RAB3GAP1: variants seen among roughly 807,000 people sequenced by gnomAD.
RAB3GAP1 encodes the protein RAB3 GTPase activating protein catalytic subunit 1.
Under a neutral mutation model 130.7 loss-of-function variants are expected in RAB3GAP1, and 86 were observed. The observed-to-expected ratio is 0.66, with a 90% confidence interval of 0.55 to 0.79. The LOEUF is 0.79. RAB3GAP1 is among the 30% of genes least tolerant of loss of function. RAB3GAP1 has a pLI of 0.00. For synonymous variants in RAB3GAP1, 367 were observed against 401.7 expected (o/e 0.91, Z 1.03); for missense variants, 1,029 against 1,169.4 (o/e 0.88, Z 1.75).
At chr2:135,146,845 T>C (rs1335202151) in intron 17 of RAB3GAP1, among the ~76,000 whole-genome samples, 1 of 151,596 alleles carries the variant, frequency 6.6e-6, no homozygotes, top group African/African-American at 2.4e-5. Flanking sequence ...TTCCCTTGCA[T>C]GGATATACAA....
chr2:135,104,723 T>C (rs1690542797), intron 5 of RAB3GAP1, among the ~76,000 whole-genome samples: 1 of 151,096 alleles, frequency 6.6e-6, no homozygotes, highest in South Asian at 2.1e-4. Flanking sequence ...AATAAATAAA[T>C]AAATAAATAA....
chr2:135,110,829 T>C (rs1460107605), intron 5 of RAB3GAP1, among the ~76,000 whole-genome samples: 1 of 152,172 alleles, frequency 6.6e-6, no homozygotes, highest in Admixed American at 6.5e-5. Context: ...AATAATATAA[T>C]TGTATTTGAG....
Position 135,168,781 on chromosome 2 carries a change from A to T in RAB3GAP1, c.2946A>T (p.Ter982CysextTer3). The part of the protein sequence containing the change: ...GAFSSDTSFF[*>C] Reference sequence around the variant, plus strand: ...TTTCATCAGATACTTCCTTCTTCTGATTCTTCTAGCATTACTCGTTGGTGG... The same window carrying T: ...TTTCATCAGATACTTCCTTCTTCTGTTTCTTCTAGCATTACTCGTTGGTGG... The change falls in exon 24 of 24, where the codon TGA becomes TGT. Residue 982 changes from the stop codon to cysteine (C), a stop_lost. Transcript: ENST00000264158. 1 of 1,610,544 alleles carries T rather than the reference A, an allele frequency of 6.2e-7. No homozygotes were observed. Among genetic ancestry groups the T allele is most frequent in the South Asian group, 1.1e-5 (1 of 90,992 alleles).
intron 3 of RAB3GAP1, among the ~76,000 whole-genome samples, chr2:135,083,585 C>G (rs539956760): frequency 1.3e-5 from 2 of 151,934 alleles, no homozygotes; most frequent in African/African-American, 2.4e-5. Context: ...CCTCAGCCTT[C>G]CAAGTAGGTA....
intron 3 of RAB3GAP1, among the ~76,000 whole-genome samples, chr2:135,069,260 T>C (rs932579557): frequency 2.0e-5 from 3 of 152,212 alleles, no homozygotes; most frequent in African/African-American, 7.2e-5. Flanking sequence ...CACATTTACT[T>C]ACCTGGGAAT....
intron 19 of RAB3GAP1, among the ~76,000 whole-genome samples, chr2:135,160,289 G>A (rs1473711009): frequency 6.6e-6 from 1 of 152,158 alleles, no homozygotes; most frequent in Non-Finnish European, 1.5e-5. Flanking sequence ...AGCTGTTGCA[G>A]ATTAGTTGAG....
intron 5 of RAB3GAP1, among the ~76,000 whole-genome samples, chr2:135,105,534 C>T (rs1303545513): frequency 2.6e-5 from 4 of 152,174 alleles, no homozygotes; most frequent in Non-Finnish European, 5.9e-5. Flanking sequence ...TCACTCAGTG[C>T]TCAATGTTGC....
chr2:135,147,497 A>C (rs1411169664), intron 17 of RAB3GAP1, among the ~76,000 whole-genome samples: 1 of 152,144 alleles, frequency 6.6e-6, no homozygotes, highest in Non-Finnish European at 1.5e-5. Flanking sequence ...GTATTACTCT[A>C]GTTTGTTCAG....
intron 23 of RAB3GAP1, 55 bp from the exon 24 acceptor site, chr2:135,168,490 C>CAG: frequency 2.2e-6 from 3 of 1,365,356 alleles, no homozygotes; most frequent in Non-Finnish European, 3.1e-6. Context: ...CCTTCAAAAG[C>CAG]ATCTGAGTTT....
intron 17 of RAB3GAP1, among the ~76,000 whole-genome samples, chr2:135,140,473 C>T (rs1041086136): frequency 1.1e-4 from 16 of 152,164 alleles, no homozygotes; most frequent in African/African-American, 3.9e-4. Flanking sequence ...AGCCCATAAT[C>T]ATGCTCGTGG....
chr2:135,104,415 C>G (rs1180069773), intron 5 of RAB3GAP1, among the ~76,000 whole-genome samples: 1 of 151,964 alleles, frequency 6.6e-6, no homozygotes, highest in Non-Finnish European at 1.5e-5. Context: ...TAGAAATGGA[C>G]TCTTAGTGGG....
At chr2:135,064,617 G>A (rs1689264184) in intron 3 of RAB3GAP1, among the ~76,000 whole-genome samples, 1 of 150,694 alleles carries the variant, frequency 6.6e-6, no homozygotes, top group Admixed American at 6.6e-5. Context: ...TTTAGTCCTT[G>A]AGTGTATTTA....
chr2:135,140,555 A>C (rs1001666238), intron 17 of RAB3GAP1, among the ~76,000 whole-genome samples: 7 of 152,222 alleles, frequency 4.6e-5, no homozygotes, highest in African/African-American at 1.7e-4. Context: ...GATGAGGTTT[A>C]AGCTTCCAAA....
chr2:135,117,477 T>TCTTCTTCTG (rs1691015625), intron 7 of RAB3GAP1, among the ~76,000 whole-genome samples: 1 of 145,458 alleles, frequency 6.9e-6, no homozygotes, highest in African/African-American at 2.6e-5. Flanking sequence ...TGCTTCTGCT[T>TCTTCTTCTG]CTTCTGCTTC....
At chr2:135,173,147 A>G (rs942554864), downstream of RAB3GAP1, among the ~76,000 whole-genome samples, 6 of 152,042 alleles carry the variant, frequency 3.9e-5, no homozygotes, top group Non-Finnish European at 8.8e-5. Flanking sequence ...TAAACTGCTA[A>G]ATTTGGGGGT....
At chr2:135,136,811 C>T (rs1465171299) in intron 17 of RAB3GAP1, 1 of 712,922 alleles carries the variant, frequency 1.4e-6, no homozygotes, top group Middle Eastern at 6.1e-4. Context: ...AGGTTGGTCC[C>T]AGACCAGGCA....
intron 5 of RAB3GAP1, among the ~76,000 whole-genome samples, chr2:135,108,181 T>C (rs536141665): frequency 1.3e-5 from 2 of 152,204 alleles, no homozygotes; most frequent in East Asian, 3.9e-4. Flanking sequence ...ATTTGGAGGA[T>C]GGGATGCTAA....
chr2:135,113,429 C>A (rs929957074), intron 6 of RAB3GAP1, among the ~76,000 whole-genome samples, 159 bp downstream of exon 6: 1 of 152,184 alleles, frequency 6.6e-6, no homozygotes, highest in Non-Finnish European at 1.5e-5. Flanking sequence ...TCTGTATCCG[C>A]TCCCTATTTA....
intron 5 of RAB3GAP1, among the ~76,000 whole-genome samples, chr2:135,109,412 T>A (rs939806625): frequency 2.0e-5 from 3 of 152,214 alleles, no homozygotes; most frequent in Admixed American, 2.0e-4. Flanking sequence ...TTCTAGATTT[T>A]TACAATTAAA....
Sources: allele counts gnomAD v4.1 joint callset (sites outside exome capture counted in the v4.1 genomes callset), GRCh38; gene constraint gnomAD v4.1.1; transcripts MANE v1.5; gene names NCBI Gene and HGNC (gene_info 2026-07-23, HGNC 2026-07-21).